Variants in NKAIN2 observed in about 807,000 individuals in gnomAD.
NKAIN2 encodes the protein sodium/potassium transporting ATPase interacting 2.
Under a neutral mutation model 32.6 loss-of-function variants are expected in NKAIN2, and 14 were observed. The ratio of observed to expected loss-of-function variants is 0.43; its 90% confidence interval spans 0.28 to 0.67. The LOEUF is 0.67. NKAIN2 is among the 30% of genes least tolerant of loss of function. The pLI is 0.17. For missense variants in NKAIN2, 198 were observed against 258.3 expected (o/e 0.77, Z 1.60); for synonymous variants, 80 against 87.2 (o/e 0.92, Z 0.46).
chr6:124,716,720 AC>A (rs1775775381), intron 4 of NKAIN2, among the ~76,000 whole-genome samples: 2 of 151,828 alleles, frequency 1.3e-5, no homozygotes, highest in South Asian at 4.2e-4. Context: ...CTCCTGATTA[AC>A]CCCCATAGCT....
intron 5 of NKAIN2, among the ~76,000 whole-genome samples, chr6:124,810,400 G>T (rs942178750): frequency 1.3e-5 from 2 of 151,806 alleles, no homozygotes; most frequent in Admixed American, 6.6e-5. Context: ...ACCAAACACC[G>T]CATATTCTCA....
rs1458714550 is a variant in NKAIN2, at chr6:124,345,803, T to C, written c.193-9464T>C. Among the ~76,000 whole-genome samples, 4 of 152,176 alleles carry C rather than the reference T, an allele frequency of 2.6e-5. No homozygotes were observed. In the South Asian group the frequency reaches 8.3e-4, roughly 31 times the overall value. On this transcript the variant is annotated intron_variant, in intron 2 of 6. Transcript: ENST00000368417. ...AAAACCAGCTCCTGGATTCATTAATTTTTTGAAGGGTTTTTTATGTCTCTA... is the reference window on the plus strand; with the variant it reads ...AAAACCAGCTCCTGGATTCATTAATCTTTTGAAGGGTTTTTTATGTCTCTA...
rs548804074 is a variant in NKAIN2, at chr6:124,020,834, A to G, written c.54+216580A>G. ...AAAATTGAAGAAAAGATTAATAAAA[A>G]GGCCCCTTTCAGTAAACTTAAAGAA... On this transcript the variant is annotated intron_variant, in intron 1 of 6. Transcript: ENST00000368417. 1.4e-4 allele frequency among the ~76,000 whole-genome samples: 22 copies of G among 152,254 alleles called. No individual in the cohort carries two copies. In the South Asian group the frequency reaches 4.1e-3, roughly 29 times the overall value.
At chr6:124,527,824 G>C (rs151309790) in intron 3 of NKAIN2, among the ~76,000 whole-genome samples, 235 of 152,282 alleles carry the variant, frequency 1.5e-3, no homozygotes, top group African/African-American at 5.4e-3. Context: ...TACAGGATAA[G>C]TGGAGGTTGC....
intron 3 of NKAIN2, among the ~76,000 whole-genome samples, chr6:124,608,986 G>A (rs75303998): frequency 3.0e-4 from 46 of 152,264 alleles, no homozygotes; most frequent in African/African-American, 1.1e-3. Context: ...AAAATCAGCT[G>A]TCTCTTATTT....
chr6:123,946,171 G>T (rs1777055213), intron 1 of NKAIN2, among the ~76,000 whole-genome samples: 1 of 152,106 alleles, frequency 6.6e-6, no homozygotes, highest in Admixed American at 6.6e-5. Context: ...AATTCAGTTG[G>T]TGAGCAGAGT....
chr6:123,898,318 T>A (rs576949543), intron 1 of NKAIN2, among the ~76,000 whole-genome samples: 1 of 152,230 alleles, frequency 6.6e-6, no homozygotes, highest in East Asian at 1.9e-4. Context: ...TTTGTACTTC[T>A]GATTATCTCA....
chr6:124,564,419 C>T (rs893397836), intron 3 of NKAIN2, among the ~76,000 whole-genome samples: 7 of 152,274 alleles, frequency 4.6e-5, no homozygotes, highest in South Asian at 2.1e-4. Context: ...GATCAATCAG[C>T]GCTCTGTAAA....
chr6:124,533,839 A>G, intron 3 of NKAIN2, among the ~76,000 whole-genome samples: 1 of 152,154 alleles, frequency 6.6e-6, no homozygotes, highest in Middle Eastern at 3.2e-3. Context: ...GATCTGGTCT[A>G]GTGAAGGGCC....
chr6:123,953,067 G>C (rs9491015), intron 1 of NKAIN2, among the ~76,000 whole-genome samples: 4,127 of 152,232 alleles, frequency 0.027, 160 homozygotes, highest in African/African-American at 0.09. Context: ...CTATGGTATT[G>C]GTTGGGTAGG....
chr6:124,235,605 T>G (rs1029533439), intron 1 of NKAIN2, among the ~76,000 whole-genome samples: 5 of 151,212 alleles, frequency 3.3e-5, no homozygotes, highest in African/African-American at 1.2e-4. Context: ...TTTTGTTGTT[T>G]TTTTTTTTCC....
chr6:124,135,747 A>G (rs9491069), intron 1 of NKAIN2, among the ~76,000 whole-genome samples: 2,594 of 152,194 alleles, frequency 0.017, 69 homozygotes, highest in African/African-American at 0.06. Context: ...CTATATAAAT[A>G]TATGAAAATT....
At chr6:124,167,174 T>G (rs1788594561) in intron 1 of NKAIN2, among the ~76,000 whole-genome samples, 1 of 149,270 alleles carries the variant, frequency 6.7e-6, no homozygotes, top group Non-Finnish European at 1.5e-5. Context: ...TCCATTTGTT[T>G]GTATCCTCTT....
At chr6:123,980,156 G>A (rs1778821611) in intron 1 of NKAIN2, among the ~76,000 whole-genome samples, 2 of 152,060 alleles carry the variant, frequency 1.3e-5, no homozygotes, top group Admixed American at 1.3e-4. Flanking sequence ...TTTCATTATA[G>A]AAGCCAGAAT....
At chr6:124,222,133 C>T (rs867537918) in intron 1 of NKAIN2, among the ~76,000 whole-genome samples, 1 of 152,044 alleles carries the variant, frequency 6.6e-6, no homozygotes, top group South Asian at 2.1e-4. Context: ...CTGGAGTAAA[C>T]CTGATAGAAA....
intron 3 of NKAIN2, among the ~76,000 whole-genome samples, chr6:124,490,070 A>G (rs78055731): frequency 0.017 from 2,548 of 151,986 alleles, 74 homozygotes; most frequent in African/African-American, 0.059. Context: ...TAATATTAAT[A>G]TATACTGCTC....
At chr6:124,687,262 TTCTCTCTATATATA>T (rs1773952742) in intron 4 of NKAIN2, among the ~76,000 whole-genome samples, 6 of 141,250 alleles carry the variant, frequency 4.2e-5, no homozygotes, top group African/African-American at 1.6e-4. Flanking sequence ...CCTATATATA[TTCTCTCTATATATA>T]GAGAGAGAAT....
Position 124,207,133 on chromosome 6 carries a change from A to C in NKAIN2, c.55-75872A>C, listed in dbSNP as rs183927156. On this transcript the variant is annotated intron_variant, in intron 1 of 6. Coordinates refer to ENST00000368417, the MANE Select transcript of NKAIN2 (RefSeq NM_001040214.3). ...GGATAAGCAAATATTGTTTCAACATAATAAGGAACTTTGCCAGGTGCTAAG... is the reference window on the plus strand; with the variant it reads ...GGATAAGCAAATATTGTTTCAACATCATAAGGAACTTTGCCAGGTGCTAAG... Among the ~76,000 whole-genome samples the C allele has an allele frequency of 3.8e-4, 58 of 151,886 alleles. No individual in the cohort carries two copies. In the East Asian group the frequency reaches 7.9e-3, roughly 21 times the overall value.
chr6:124,312,006 C>T (rs570990578), intron 2 of NKAIN2, among the ~76,000 whole-genome samples: 17 of 152,068 alleles, frequency 1.1e-4, no homozygotes, highest in Admixed American at 2.6e-4. Flanking sequence ...TGTCAACCTC[C>T]AGTTGTAAAC....
Sources: allele counts gnomAD v4.1 joint callset (sites outside exome capture counted in the v4.1 genomes callset), GRCh38; gene constraint gnomAD v4.1.1; transcripts MANE v1.5; gene names NCBI Gene and HGNC (gene_info 2026-07-23, HGNC 2026-07-21).